Variants in RAI2 observed in about 807,000 individuals in gnomAD.
RAI2 encodes the protein retinoic acid-induced protein 2.
A neutral mutation model predicts 15.3 loss-of-function variants in RAI2; 5 were observed. The observed-to-expected ratio is 0.33, with a 90% CI of 0.17 to 0.69. The LOEUF is 0.69. Among genes scored for constraint, RAI2 ranks in the 30% least tolerant of loss-of-function variants. The pLI is 0.69. For missense variants in RAI2, 424 were observed against 424.7 expected (o/e 1.00, Z 0.01); for synonymous variants, 191 against 184.0 (o/e 1.04, Z -0.31).
intron 1 of RAI2, chrX:17,860,726 T>C (rs1454559935): frequency 9.0e-6 from 1 of 110,754 alleles, no homozygotes; most frequent in Non-Finnish European, 1.9e-5. Context: ...GAGTCCGCCG[T>C]GCACCGCCCT....
chrX:17,828,567 T>C (rs2067250296), intron 1 of RAI2, among the ~76,000 whole-genome samples: 1 of 112,054 alleles, frequency 8.9e-6, no homozygotes, highest in South Asian at 3.8e-4. Flanking sequence ...CTCTAAAACA[T>C]GCCAAATCAG....
chrX:17,846,496 C>T (rs113079260), intron 1 of RAI2, among the ~76,000 whole-genome samples: 283 of 112,282 alleles, frequency 2.5e-3, no homozygotes, highest in Middle Eastern at 0.014. Context: ...TTGTGAAGTG[C>T]ATTTAAAGCT....
intron 1 of RAI2, among the ~76,000 whole-genome samples, chrX:17,859,614 T>C (rs1209014229): frequency 8.9e-6 from 1 of 112,900 alleles, no homozygotes; most frequent in Non-Finnish European, 1.9e-5. Context: ...ATTCTGTTGA[T>C]GTCACTTATC....
At chrX:17,811,107 T>TGAATATCCTTTC (rs1356841061) in intron 1 of RAI2, among the ~76,000 whole-genome samples, 1 of 112,469 alleles carries the variant, frequency 8.9e-6, no homozygotes, top group Non-Finnish European at 1.9e-5. Flanking sequence ...CATGCAAGGA[T>TGAATATCCTTTC]CTCTCTAAGG....
intron 1 of RAI2, among the ~76,000 whole-genome samples, chrX:17,854,838 C>G (rs1470465551): frequency 8.9e-6 from 1 of 111,866 alleles, no homozygotes. Flanking sequence ...GAAACAAAAC[C>G]AACTCCTTCT....
In RAI2 at chrX:17,817,178, GC is replaced by G. The variant is rs2067118232; in HGVS notation, c.-24-15145del. Among the ~76,000 whole-genome samples, 3 of 111,563 alleles carry G rather than the reference GC, an allele frequency of 2.7e-5. No homozygotes were observed. In the Middle Eastern group the frequency reaches 0.014, roughly 516 times the overall value. On this transcript the variant is annotated intron_variant, in intron 1 of 1. Transcript: ENST00000451717. Reference sequence around the variant, plus strand: ...CTAGCATTACCTTAAGTAATGCAGAGCTTCCTGGGACCCACCCTGTGCACAG... The same window carrying G: ...CTAGCATTACCTTAAGTAATGCAGAGTTCCTGGGACCCACCCTGTGCACAG...
At chrX:17,838,932 C>A (rs1268704745) in intron 1 of RAI2, among the ~76,000 whole-genome samples, 1 of 112,328 alleles carries the variant, frequency 8.9e-6, no homozygotes, top group African/African-American at 3.2e-5. Context: ...CATAAACACA[C>A]AGAGTGGAGG....
intron 1 of RAI2, among the ~76,000 whole-genome samples, chrX:17,818,927 G>A (rs776937585): frequency 1.8e-5 from 2 of 112,996 alleles, no homozygotes; most frequent in Admixed American, 9.2e-5. Flanking sequence ...CACGTTAGAC[G>A]ATCAGTGTCT....
chrX:17,807,453 T>C (rs959202504), intron 1 of RAI2, among the ~76,000 whole-genome samples: 5 of 112,183 alleles, frequency 4.5e-5, no homozygotes, highest in African/African-American at 1.6e-4. Flanking sequence ...ATCCTCACCC[T>C]CTTGTCGCAG....
intron 1 of RAI2, among the ~76,000 whole-genome samples, chrX:17,824,559 A>T (rs1195980755): frequency 9.0e-6 from 1 of 111,237 alleles, no homozygotes; most frequent in Non-Finnish European, 1.9e-5. Flanking sequence ...TTAGGCCTTT[A>T]AAAAAAATCA....
At chrX:17,812,815 A>T (rs2067064624) in intron 1 of RAI2, among the ~76,000 whole-genome samples, 1 of 111,944 alleles carries the variant, frequency 8.9e-6, no homozygotes, top group Non-Finnish European at 1.9e-5. Context: ...ACTAGGCAAG[A>T]GTCGAAGGAG....
At chrX:17,808,193 C>T (rs1347613106) in intron 1 of RAI2, among the ~76,000 whole-genome samples, 3 of 110,893 alleles carry the variant, frequency 2.7e-5, no homozygotes, top group African/African-American at 9.9e-5. Flanking sequence ...GATTGAATAC[C>T]CCTGGATGCC....
At chrX:17,855,820 A>G (rs934792627) in intron 1 of RAI2, among the ~76,000 whole-genome samples, 2 of 112,628 alleles carry the variant, frequency 1.8e-5, no homozygotes, top group Non-Finnish European at 3.7e-5. Flanking sequence ...AATATATTCA[A>G]AATATTATCA....
At chrX:17,847,833 C>G (rs1484007231) in intron 1 of RAI2, among the ~76,000 whole-genome samples, 1 of 112,171 alleles carries the variant, frequency 8.9e-6, no homozygotes, top group Non-Finnish European at 1.9e-5. Context: ...TAGAGGAAAG[C>G]AGGCCTCAGC....
chrX:17,832,811 C>A (rs966019863), intron 1 of RAI2, among the ~76,000 whole-genome samples: 5 of 111,988 alleles, frequency 4.5e-5, no homozygotes, highest in Non-Finnish European at 9.4e-5. Context: ...CCTTACCCCA[C>A]AATTATGCTG....
In RAI2 at chrX:17,800,959, C is replaced by A. The variant is rs140631545; in HGVS notation, c.1052G>T (p.Arg351Leu). The A allele has an allele frequency of 4.0e-5, 48 of 1,208,889 alleles. No homozygotes were observed. The highest frequency in any genetic ancestry group is 5.1e-5 in the Non-Finnish European group (46 of 894,684). ...AALDLSVAAH[R>L]KSEPPPETLY... ...TGTCTCAGGGGGAGGCTCGGATTTC[C>A]GGTGGGCTGCCACTGACAGGTCTAG... The change falls in exon 2 of 2, where the codon CGG becomes CTG. Residue 351 changes from arginine to leucine, a missense_variant. Physicochemically the swap from Arg to Leu is moderately radical, Grantham distance 102. Transcript: ENST00000451717.
chrX:17,856,355 G>A (rs990759125), intron 1 of RAI2, among the ~76,000 whole-genome samples: 2 of 111,647 alleles, frequency 1.8e-5, no homozygotes, highest in Non-Finnish European at 1.9e-5. Flanking sequence ...TGATTAGGTC[G>A]TGAGAGTGGA....
chrX:17,829,708 A>G (rs2067262762), intron 1 of RAI2, among the ~76,000 whole-genome samples: 1 of 112,836 alleles, frequency 8.9e-6, no homozygotes, highest in South Asian at 3.6e-4. Flanking sequence ...AAGATGCTCT[A>G]CATCACTACT....
chrX:17,840,975 T>G (rs973732815), intron 1 of RAI2, among the ~76,000 whole-genome samples: 2 of 112,033 alleles, frequency 1.8e-5, no homozygotes, highest in Non-Finnish European at 3.8e-5. Flanking sequence ...CGTAGTGAAT[T>G]AGAGAGGGAA....
Sources: allele counts gnomAD v4.1 joint callset (sites outside exome capture counted in the v4.1 genomes callset), GRCh38; gene constraint gnomAD v4.1.1; transcripts MANE v1.5; gene names NCBI Gene and HGNC (gene_info 2026-07-23, HGNC 2026-07-21).